The following ZBTB20 variants were observed in gnomAD, a reference collection of about 807,000 sequenced individuals.
ZBTB20 encodes the protein zinc finger and BTB domain containing 20.
ZBTB20 carries 9 observed loss-of-function variants against 56.9 expected under a neutral mutation model. The observed-to-expected ratio is 0.16, with a 90% confidence interval of 0.10 to 0.28. The LOEUF (loss-of-function observed/expected upper bound fraction) is 0.28, where lower values mean the gene tolerates loss of function less well. Among genes scored for constraint, ZBTB20 ranks in the 10% least tolerant of loss-of-function variants. ZBTB20 has a pLI of 1.00. For synonymous variants in ZBTB20, 417 were observed against 420.7 expected, an observed-to-expected ratio of 0.99 and a Z score of 0.11; for missense variants, 655 against 1,003.0, an observed-to-expected ratio of 0.65 and a Z score of 4.69.
intron 6 of ZBTB20, among the ~76,000 whole-genome samples, chr3:114,536,163 G>T (rs900482018): frequency 1.3e-5 from 2 of 152,142 alleles, no homozygotes; most frequent in Non-Finnish European, 2.9e-5. Context: ...TCAGACAAGA[G>T]AAATAAATAA....
rs180783674 is a variant in ZBTB20, at chr3:114,852,246, A to G, written c.-417+48058T>C. Among the ~76,000 whole-genome samples, 13 of 145,676 alleles carry G rather than the reference A, an allele frequency of 8.9e-5. No homozygotes were observed. The East Asian group carries it at 2.5e-3, about 28-fold the overall frequency. ...CTGTTTATCTAGTTTTTGAACTTTC[A>G]TTTTATTTTATTTTATTTTATTTAT... On this transcript the variant is annotated intron_variant, in intron 4 of 11. Transcript: ENST00000675478.
chr3:114,438,435 C>CA (rs1559789518), intron 7 of ZBTB20, among the ~76,000 whole-genome samples: 212 of 145,556 alleles, frequency 1.5e-3, no homozygotes, highest in Middle Eastern at 7.2e-3. Flanking sequence ...ACAAAAAAAA[C>CA]CAAAAAAAAA....
intron 4 of ZBTB20, among the ~76,000 whole-genome samples, chr3:114,868,014 G>T (rs761962833): frequency 1.9e-4 from 29 of 152,094 alleles, no homozygotes; most frequent in Non-Finnish European, 4.1e-4. Context: ...CACGTAGTCT[G>T]TACAGGAAGA....
At chr3:114,816,772 G>C (rs1400653207) in intron 4 of ZBTB20, among the ~76,000 whole-genome samples, 3 of 152,036 alleles carry the variant, frequency 2.0e-5, no homozygotes, top group Non-Finnish European at 4.4e-5. Context: ...TAAAAATCAA[G>C]ACAAGTATGT....
chr3:114,339,116 G>A lies in ZBTB20; in HGVS notation c.2115C>T (p.Gly705=). Residue 705 remains glycine, a synonymous_variant, in exon 12 of 12, where the codon GGC becomes GGT. Coordinates refer to ENST00000675478, the MANE Select transcript of ZBTB20 (RefSeq NM_001348800.3). This position sits in a 1 kb window ranked among gnomAD's most constrained non-coding sequence, Gnocchi z 4.2. ...TPPGARAGPP[G]VVACTEGTTY... ...TGGTCCCCTCCGTGCAGGCCACCAC[G>A]CCTGGGGGGCCAGCGCGGGCACCTG... 3 of 1,609,722 alleles carry A rather than the reference G, an allele frequency of 1.9e-6. No individual in the cohort carries two copies. Among genetic ancestry groups the A allele is most frequent in the African/African-American group, 1.3e-5 (1 of 75,026 alleles).
chr3:114,622,970 T>G (rs562124240), intron 6 of ZBTB20, among the ~76,000 whole-genome samples: 1 of 152,216 alleles, frequency 6.6e-6, no homozygotes, highest in Non-Finnish European at 1.5e-5. Context: ...ACTCCCCCTC[T>G]TTCCAAAAAG....
chr3:114,417,833 C>T (rs968382627), intron 7 of ZBTB20, among the ~76,000 whole-genome samples: 1 of 152,018 alleles, frequency 6.6e-6, no homozygotes, highest in Non-Finnish European at 1.5e-5. Flanking sequence ...TTCTACCCTC[C>T]CCTTCAGATA....
At chr3:114,995,789 A>T (rs2079002911) in intron 2 of ZBTB20, among the ~76,000 whole-genome samples, 1 of 151,786 alleles carries the variant, frequency 6.6e-6, no homozygotes, top group Non-Finnish European at 1.5e-5. Context: ...GTATTAATAT[A>T]TTTATTTTGT....
At chr3:114,990,837 A>AGT (rs1332083744) in intron 2 of ZBTB20, among the ~76,000 whole-genome samples, 2 of 151,730 alleles carry the variant, frequency 1.3e-5, no homozygotes, top group African/African-American at 4.8e-5. Context: ...GTCTTGGGAG[A>AGT]GTGTGTGTGT....
chr3:114,339,610 A>G lies in ZBTB20; in HGVS notation c.1805-184T>C, dbSNP rs1017838452. Among the ~76,000 whole-genome samples the G allele has an allele frequency of 3.9e-5, 6 of 152,218 alleles. No individual in the cohort carries two copies. The highest frequency in any genetic ancestry group is 7.3e-5 in the Non-Finnish European group (5 of 68,030). ...GGCCCTCCTAGCCTCTCATGTGCAG[A>G]GAAATTTTGCTTTATGGTGATGCCA... is the stretch of plus-strand genomic sequence containing the variant. On this transcript the variant is annotated intron_variant, in intron 11 of 11. Coordinates refer to ENST00000675478, the MANE Select transcript of ZBTB20 (RefSeq NM_001348800.3). The surrounding 1 kb of genome is among the most constrained non-coding windows in gnomAD (Gnocchi z 4.2).
At chr3:114,951,358 T>C (rs1481670485) in intron 3 of ZBTB20, among the ~76,000 whole-genome samples, 1 of 151,764 alleles carries the variant, frequency 6.6e-6, no homozygotes, top group Non-Finnish European at 1.5e-5. Context: ...AAAGGGGAGC[T>C]CCAGGAAAAC....
intron 7 of ZBTB20, among the ~76,000 whole-genome samples, chr3:114,393,402 T>C (rs566132287): frequency 6.6e-6 from 1 of 152,376 alleles, no homozygotes; most frequent in Admixed American, 6.5e-5. Context: ...TTGTGCATTT[T>C]ATAATTAATA....
At chr3:114,550,620 C>G (rs1156532130) in intron 6 of ZBTB20, among the ~76,000 whole-genome samples, 1 of 152,074 alleles carries the variant, frequency 6.6e-6, no homozygotes, top group African/African-American at 2.4e-5. Context: ...TTCTCATTTA[C>G]TTTTTATAAA....
At chr3:114,702,700 T>C (rs1038635773) in intron 5 of ZBTB20, among the ~76,000 whole-genome samples, 1 of 151,692 alleles carries the variant, frequency 6.6e-6, no homozygotes. Flanking sequence ...TATGTAAAGA[T>C]AAAGGACTTT....
At chr3:114,576,501 C>CAAAAAAAAA (rs61714991) in intron 6 of ZBTB20, among the ~76,000 whole-genome samples, 11 of 24,112 alleles carry the variant, frequency 4.6e-4, no homozygotes, top group Non-Finnish European at 6.9e-4. Flanking sequence ...GACTCCGTCT[C>CAAAAAAAAA]AAAAAAAAAA....
At chr3:114,663,225 G>A (rs1235925979) in intron 6 of ZBTB20, among the ~76,000 whole-genome samples, 67 of 145,746 alleles carry the variant, frequency 4.6e-4, no homozygotes, top group South Asian at 7.0e-4. Context: ...GAGAGTGGGG[G>A]CCAATATTCA....
chr3:114,535,490 C>T (rs1205592322), intron 6 of ZBTB20, among the ~76,000 whole-genome samples: 1 of 152,130 alleles, frequency 6.6e-6, no homozygotes, highest in Admixed American at 6.5e-5. Flanking sequence ...GAAATTGAGG[C>T]AGTAGTTAAT....
intron 5 of ZBTB20, among the ~76,000 whole-genome samples, chr3:114,723,263 A>G (rs968278772): frequency 1.3e-5 from 2 of 152,164 alleles, no homozygotes; most frequent in Non-Finnish European, 2.9e-5. Context: ...GGTCCTTCCA[A>G]ACCCCACAGC....
rs1396281770 is a variant in ZBTB20, at chr3:114,318,138, G to C, written c.*20867C>G. On this transcript the variant is annotated 3_prime_UTR_variant, in exon 12 of 12. Transcript: ENST00000675478. ...AGTTTTTAAAAATTATTTTTTCAATGTTGAAAAAATATGGAAAAGCTATTG... is the reference window on the plus strand; with the variant it reads ...AGTTTTTAAAAATTATTTTTTCAATCTTGAAAAAATATGGAAAAGCTATTG... The C allele has an allele frequency of 6.6e-6, 1 of 152,046 alleles. No individual in the cohort carries two copies. Among genetic ancestry groups the C allele is most frequent in the Admixed American group, 6.6e-5 (1 of 15,264 alleles). The allele number at this position is 152,046 out of a possible 1,614,324, so 9.4% of individuals were successfully genotyped here.
Sources: gnomAD v4.1 joint callset for allele counts (sites outside exome capture counted in the v4.1 genomes callset) on GRCh38, gnomAD v4.1.1 for gene constraint, Gnocchi (gnomAD v3.1) non-coding constraint, MANE v1.5 for transcripts, NCBI Gene and HGNC (gene_info 2026-07-23, HGNC 2026-07-21) for gene names.